ITGB5: variants seen among roughly 807,000 people sequenced by gnomAD.
ITGB5 encodes integrin subunit beta 5.
In ITGB5, 38 loss-of-function variants were observed where a neutral mutation model predicts 84.8. The observed-to-expected ratio is 0.45, with a 90% confidence interval of 0.35 to 0.59. The LOEUF is 0.59. Among genes scored for constraint, ITGB5 ranks in the 20% least tolerant of loss-of-function variants. The pLI is 0.01. For missense variants in ITGB5, 905 were observed against 1,034.5 expected, an observed-to-expected ratio of 0.87 and a Z score of 1.72; for synonymous variants, 393 against 414.4, an observed-to-expected ratio of 0.95 and a Z score of 0.63.
intron 11 of ITGB5, among the ~76,000 whole-genome samples, chr3:124,773,381 T>A (rs551438655): frequency 1.6e-4 from 24 of 152,356 alleles, no homozygotes; most frequent in Admixed American, 1.6e-3. Context: ...GGTGCTATTT[T>A]TGGTACCAAC....
At chr3:124,793,941 C>T (rs1450073101) in intron 10 of ITGB5, among the ~76,000 whole-genome samples, 3 of 152,226 alleles carry the variant, frequency 2.0e-5, no homozygotes, top group Non-Finnish European at 2.9e-5. Flanking sequence ...CGGCAAGGTC[C>T]GCTCCAGGAA....
intron 9 of ITGB5, among the ~76,000 whole-genome samples, chr3:124,798,248 T>C (rs866867230): frequency 4.6e-5 from 7 of 151,920 alleles, no homozygotes; most frequent in Admixed American, 3.9e-4. Context: ...AGATGGGGTT[T>C]CACCATGTTG....
At chr3:124,860,581 A>T (rs1341514315) in intron 2 of ITGB5, among the ~76,000 whole-genome samples, 1 of 152,248 alleles carries the variant, frequency 6.6e-6, no homozygotes, top group Non-Finnish European at 1.5e-5. Flanking sequence ...ATACTTTATT[A>T]TAAATCATGA....
intron 1 of ITGB5, among the ~76,000 whole-genome samples, chr3:124,880,322 A>T (rs1053155328): frequency 2.0e-5 from 3 of 152,270 alleles, no homozygotes; most frequent in Non-Finnish European, 4.4e-5. Flanking sequence ...AATATGGTTC[A>T]TTAATTATAA....
Position 124,861,493 on chromosome 3 carries a change from T to TACACACAC in ITGB5, c.157-2048_157-2047insGTGTGTGT, listed in dbSNP as rs1397985645. 3.3e-3 allele frequency among the ~76,000 whole-genome samples: 284 copies of TACACACAC among 84,924 alleles called. 2 individuals carry two copies. The highest frequency in any genetic ancestry group is 0.019 in the Middle Eastern group (3 of 162). 55.7% of individuals were successfully genotyped at this position (84,924 alleles called of 152,430 possible). A position where few individuals can be genotyped will look rare whatever the true frequency, so the allele number is the denominator to read the frequency against. On this transcript the variant is annotated intron_variant, in intron 2 of 14. Coordinates refer to ENST00000296181, the MANE Select transcript of ITGB5 (RefSeq NM_002213.5). ...AAACAAAACAAAACATATATATATATATACACACACACACACACACACACA... is the reference window on the plus strand; with the variant it reads ...AAACAAAACAAAACATATATATATATACACACACATACACACACACACACACACACACA...
chr3:124,841,613 T>A, intron 4 of ITGB5, 62 bp from the exon 5 acceptor site: 1 of 1,555,270 alleles, frequency 6.4e-7, no homozygotes, highest in Non-Finnish European at 8.8e-7. Context: ...AACCAAGTGT[T>A]CTGAGCATTC....
chr3:124,872,566 G>A (rs1352658442), intron 2 of ITGB5, among the ~76,000 whole-genome samples: 1 of 152,118 alleles, frequency 6.6e-6, no homozygotes, highest in African/African-American at 2.4e-5. Flanking sequence ...TCCTGACAGG[G>A]ACCACGCACT....
At chr3:124,769,364 C>T (rs2063810302) in intron 11 of ITGB5, 2 of 436,380 alleles carry the variant, frequency 4.6e-6, no homozygotes, top group African/African-American at 4.0e-5. Context: ...CTTTCAAATT[C>T]TGACACCAGG....
chr3:124,889,360 T>C (rs1479500294), upstream of ITGB5, among the ~76,000 whole-genome samples: 1 of 152,182 alleles, frequency 6.6e-6, no homozygotes, highest in Admixed American at 6.5e-5. Context: ...AGCCCCCACT[T>C]CAAGTTGTCC....
intron 11 of ITGB5, among the ~76,000 whole-genome samples, chr3:124,770,679 G>C (rs1047407086): frequency 1.3e-5 from 2 of 152,162 alleles, no homozygotes; most frequent in African/African-American, 4.8e-5. Context: ...GGCTTCCTAA[G>C]AGGTTCTAAC....
intron 5 of ITGB5, among the ~76,000 whole-genome samples, chr3:124,831,569 C>T (rs2064860685): frequency 6.6e-6 from 1 of 152,196 alleles, no homozygotes; most frequent in Non-Finnish European, 1.5e-5. Context: ...TGTCGGAAAA[C>T]ACAAGTGGGG....
chr3:124,796,332 G>T (rs1413608425), intron 10 of ITGB5, 56 bp downstream of exon 10: 2 of 1,475,012 alleles, frequency 1.4e-6, no homozygotes, highest in Non-Finnish European at 9.3e-7. Flanking sequence ...TTGGGAGGGT[G>T]TCCTAACGGC....
chr3:124,796,576 T>A lies in ITGB5; in HGVS notation c.1505A>T (p.Asp502Val), dbSNP rs771710760. The change falls in exon 10 of 15, where the codon GAT (aspartate) becomes GTT (valine). Residue 502 changes from aspartate (D) to valine (V), a missense_variant. This residue lies in a region of ITGB5 where 656 missense variants were observed against 734.7 expected (regional missense o/e 0.89). Coordinates refer to ENST00000296181, the MANE Select transcript of ITGB5 (RefSeq NM_002213.5). ...CTGGTACACGCTCTGGTTCTCCCCA[T>A]CCTGGCACTCGCACCTGGTGCCCAG... ...GYLGTRCECQDGENQSVYQNL... is the reference protein window; with the variant it reads ...GYLGTRCECQVGENQSVYQNL... The A allele has an allele frequency of 3.1e-6, 5 of 1,614,094 alleles. No individual in the cohort carries two copies. Among genetic ancestry groups the A allele is most frequent in the Non-Finnish European group, 4.2e-6 (5 of 1,180,014 alleles).
intron 1 of ITGB5, among the ~76,000 whole-genome samples, chr3:124,883,169 T>C (rs149047816): frequency 6.0e-4 from 91 of 152,292 alleles, no homozygotes; most frequent in Admixed American, 1.4e-3. Flanking sequence ...TTTGTAATTG[T>C]CCCACATTAC....
intron 4 of ITGB5, among the ~76,000 whole-genome samples, chr3:124,842,337 A>G (rs2065021869): frequency 6.6e-6 from 1 of 152,256 alleles, no homozygotes; most frequent in Non-Finnish European, 1.5e-5. Context: ...GGAGACTCCA[A>G]GTGGCCCTAT....
chr3:124,823,945 TAAATAA>T (rs1034382975), intron 5 of ITGB5, among the ~76,000 whole-genome samples: 8 of 152,210 alleles, frequency 5.3e-5, no homozygotes, highest in African/African-American at 1.9e-4. Flanking sequence ...ATCAGAAACC[TAAATAA>T]ATGGACAGAG....
chr3:124,799,387 C>A lies in ITGB5; in HGVS notation c.1264-2570G>T, dbSNP rs1007317557. 9.2e-5 allele frequency among the ~76,000 whole-genome samples: 14 copies of A among 152,216 alleles called. No individual in the cohort carries two copies. In the East Asian group the frequency reaches 2.7e-3, roughly 29 times the overall value. On this transcript the variant is annotated intron_variant, in intron 9 of 14. Coordinates refer to ENST00000296181, the MANE Select transcript of ITGB5 (RefSeq NM_002213.5). ...CAACCTGGACAACATGGCAAAACCC[C>A]ATCTCTACCAAAAGTACAAAAAATT...
chr3:124,837,282 G>C (rs1259969143), intron 5 of ITGB5, among the ~76,000 whole-genome samples: 7 of 152,220 alleles, frequency 4.6e-5, no homozygotes, highest in Non-Finnish European at 1.5e-5. Flanking sequence ...ACTTCCGCCT[G>C]CACAATTTCA....
chr3:124,875,849 G>C (rs1194289135), intron 1 of ITGB5, among the ~76,000 whole-genome samples: 4 of 152,232 alleles, frequency 2.6e-5, no homozygotes, highest in Non-Finnish European at 5.9e-5. Context: ...CCTGTCATTT[G>C]GGACAACATG....
Sources: allele counts gnomAD v4.1 joint callset (sites outside exome capture counted in the v4.1 genomes callset), GRCh38; gene constraint gnomAD v4.1.1; regional missense constraint gnomAD v4.1.1; transcripts MANE v1.5; gene names NCBI Gene and HGNC (gene_info 2026-07-23, HGNC 2026-07-21).